The following ACCSL variants were observed in gnomAD, a reference collection of about 807,000 sequenced individuals.
ACCSL encodes 1-aminocyclopropane-1-carboxylate synthase homolog (inactive) like, also known as probable inactive 1-aminocyclopropane-1-carboxylate synthase-like protein 2.
ACCSL carries 55 observed loss-of-function variants against 61.7 expected under a neutral mutation model. That is an observed-to-expected ratio of 0.89 (90% CI 0.72 to 1.12). The LOEUF is 1.12. ACCSL is among the 50% of genes most tolerant of loss of function. The pLI is 0.00. For synonymous variants in ACCSL, 258 were observed against 264.3 expected, an observed-to-expected ratio of 0.98 and a Z score of 0.23; for missense variants, 632 against 698.0, an observed-to-expected ratio of 0.91 and a Z score of 1.07.
At chr11:44,034,735 A>G in the ACCSL span, among the ~76,000 whole-genome samples, 1 of 152,202 alleles carries the variant, frequency 6.6e-6, no homozygotes, top group Non-Finnish European at 1.5e-5. Context: ...ACAATTCAAG[A>G]TGAGATTTGG....
chr11:44,030,007 T>C, the ACCSL span, among the ~76,000 whole-genome samples: 2 of 144,210 alleles, frequency 1.4e-5, no homozygotes, highest in Non-Finnish European at 3.0e-5. Flanking sequence ...TTATTTTATT[T>C]TATTTTATTT....
the ACCSL span, among the ~76,000 whole-genome samples, chr11:44,031,607 T>C: frequency 6.6e-6 from 1 of 152,030 alleles, no homozygotes; most frequent in Admixed American, 6.5e-5. Flanking sequence ...GCCTTCAGAC[T>C]GTGTGACCCA....
chr11:43,969,452 A>AT, the ACCSL span, among the ~76,000 whole-genome samples: 1 of 152,276 alleles, frequency 6.6e-6, no homozygotes, highest in Non-Finnish European at 1.5e-5. Context: ...TATCTCAAAA[A>AT]TTTTTTACGA....
the ACCSL span, chr11:43,926,603 C>A: frequency 1.5e-5 from 5 of 332,708 alleles, no homozygotes; most frequent in South Asian, 4.6e-5. Flanking sequence ...AGAAGTAAAC[C>A]CATGTGGCTT....
the ACCSL span, among the ~76,000 whole-genome samples, chr11:43,989,439 C>T: frequency 6.0e-4 from 92 of 152,346 alleles, 1 homozygote; most frequent in African/African-American, 1.9e-3. Flanking sequence ...GAGCTGCACG[C>T]TCCTGGTCTA....
the ACCSL span, among the ~76,000 whole-genome samples, chr11:43,967,862 G>A: frequency 0.015 from 2,342 of 152,172 alleles, 25 homozygotes; most frequent in Middle Eastern, 0.048. Context: ...GCTGCCACTG[G>A]GTATCATGCT....
At chr11:43,959,353 A>G in the ACCSL span, among the ~76,000 whole-genome samples, 4 of 152,214 alleles carry the variant, frequency 2.6e-5, no homozygotes, top group Non-Finnish European at 5.9e-5. Flanking sequence ...CATGACATTG[A>G]GCTGCCTGTG....
intron 9 of ACCSL, among the ~76,000 whole-genome samples, chr11:44,055,639 C>T (rs190164052): frequency 6.6e-6 from 1 of 152,318 alleles, no homozygotes; most frequent in East Asian, 1.9e-4. Context: ...AGATGGGATT[C>T]CAGCATTCAA....
Position 44,058,362 on chromosome 11 carries a change from G to A in ACCSL, c.1373G>A (p.Arg458Gln), listed in dbSNP as rs760949826. The A allele has an allele frequency of 2.1e-4, 343 of 1,613,978 alleles. No homozygotes were observed. The highest frequency in any genetic ancestry group is 2.7e-4 in the Non-Finnish European group (319 of 1,180,026). The change falls in exon 12 of 14, where the codon CGG becomes CAG. Residue 458 changes from arginine (R) to glutamine (Q), a missense_variant. By Grantham distance (43) the Arg-to-Gln change is conservative (BLOSUM62 1). Transcript: ENST00000378832. Reference protein sequence around the residue: ...VYLPTNCYRLREAHKYITAEL... With the variant: ...VYLPTNCYRLQEAHKYITAEL... ...CTACCCACCAATTGCTACCGGCTCC[G>A]GGAAGCTCACAAGTACATCACTGCT... is the stretch of plus-strand genomic sequence containing the variant.
chr11:43,966,747 T>C, the ACCSL span, among the ~76,000 whole-genome samples: 1 of 152,194 alleles, frequency 6.6e-6, no homozygotes, highest in Non-Finnish European at 1.5e-5. Context: ...CTTGATTTTT[T>C]TTTCTTTTTT....
chr11:44,054,877 A>G (rs1952661757), intron 8 of ACCSL, among the ~76,000 whole-genome samples: 1 of 152,092 alleles, frequency 6.6e-6, no homozygotes, highest in African/African-American at 2.4e-5. Context: ...GGGCTACCCA[A>G]CCTCTTCCCA....
chr11:43,943,193 C>T, the ACCSL span: 2 of 1,520,000 alleles, frequency 1.3e-6, no homozygotes, highest in Non-Finnish European at 1.8e-6. The surrounding 1 kb of genome is among the most constrained non-coding windows in gnomAD (Gnocchi z 4.8). Context: ...CACGCAGAGC[C>T]TGTCGCTGCA....
At chr11:43,998,382 G>A in the ACCSL span, among the ~76,000 whole-genome samples, 1 of 151,980 alleles carries the variant, frequency 6.6e-6, no homozygotes. Context: ...TGATTTTTTT[G>A]TCTCTCCTCC....
At chr11:44,039,224 C>T in the ACCSL span, among the ~76,000 whole-genome samples, 1 of 152,116 alleles carries the variant, frequency 6.6e-6, no homozygotes. Flanking sequence ...GCTAATGCTT[C>T]CTTTAGGTGT....
chr11:43,930,709 G>C, the ACCSL span, among the ~76,000 whole-genome samples: 4 of 152,152 alleles, frequency 2.6e-5, no homozygotes, highest in Non-Finnish European at 5.9e-5. Flanking sequence ...GTCTCAGGTA[G>C]TCCTTTATAG....
the ACCSL span, among the ~76,000 whole-genome samples, chr11:43,991,597 C>A: frequency 6.6e-6 from 1 of 152,162 alleles, no homozygotes; most frequent in East Asian, 1.9e-4. Flanking sequence ...AGTTCAAGAC[C>A]ACCCTGGCCA....
At chr11:44,055,369 C>A in intron 9 of ACCSL, 78 bp downstream of exon 9, 4 of 1,146,132 alleles carry the variant, frequency 3.5e-6, no homozygotes, top group Non-Finnish European at 5.2e-6. Flanking sequence ...GTGACATGAA[C>A]TTAACTCAGT....
the ACCSL span, among the ~76,000 whole-genome samples, chr11:43,986,709 C>G: frequency 6.6e-6 from 1 of 152,228 alleles, no homozygotes; most frequent in Non-Finnish European, 1.5e-5. Flanking sequence ...CCCAGCCCTT[C>G]TCTCCACCAA....
At chr11:43,980,299 G>C in the ACCSL span, among the ~76,000 whole-genome samples, 2 of 152,238 alleles carry the variant, frequency 1.3e-5, no homozygotes, top group Non-Finnish European at 2.9e-5. Flanking sequence ...TGGGATTTCT[G>C]TAGGAGATGT....
Sources: allele counts gnomAD v4.1 joint callset (sites outside exome capture counted in the v4.1 genomes callset), GRCh38; gene constraint gnomAD v4.1.1; non-coding constraint Gnocchi (gnomAD v3.1); transcripts MANE v1.5; gene names NCBI Gene and HGNC (gene_info 2026-07-23, HGNC 2026-07-21).